RASGEF1C: variants seen among roughly 807,000 people sequenced by gnomAD.
The protein encoded by RASGEF1C is ras-GEF domain-containing family member 1C.
Under a neutral mutation model 58.1 loss-of-function variants are expected in RASGEF1C, and 27 were observed. That is an observed-to-expected ratio of 0.46 (90% confidence interval 0.34 to 0.64). The LOEUF (loss-of-function observed/expected upper bound fraction) is 0.64. Ranked by LOEUF, RASGEF1C falls within the 30% of genes least tolerant of loss-of-function variation. The pLI, the probability that RASGEF1C is intolerant of heterozygous loss-of-function variation, is 0.01. For synonymous variants in RASGEF1C, 243 were observed against 246.3 expected (o/e 0.99, Z 0.13); for missense variants, 502 against 605.1 (o/e 0.83, Z 1.79).
intron 1 of RASGEF1C, among the ~76,000 whole-genome samples, chr5:180,207,108 G>C (rs1478127363): frequency 6.6e-6 from 1 of 152,246 alleles, no homozygotes; most frequent in African/African-American, 2.4e-5. Flanking sequence ...GAAGCTAACA[G>C]TGTGTCCGAC....
chr5:180,204,415 A>G (rs1218438366), intron 1 of RASGEF1C, among the ~76,000 whole-genome samples: 1 of 152,210 alleles, frequency 6.6e-6, no homozygotes, highest in Non-Finnish European at 1.5e-5. Context: ...AAGATGGCCT[A>G]GTGTTAATAT....
At chr5:180,202,833 G>A (rs1053157856) in intron 1 of RASGEF1C, among the ~76,000 whole-genome samples, 1 of 151,954 alleles carries the variant, frequency 6.6e-6, no homozygotes, top group African/African-American at 2.4e-5. Context: ...CTCCCGACTA[G>A]CTGGGATTAC....
At position 180,158,813 on chromosome 5, in the gene RASGEF1C, C is replaced by T. The variant is rs1201749487; in HGVS notation, c.-6-20755G>A. Among the ~76,000 whole-genome samples the T allele has an allele frequency of 1.3e-5, 2 of 152,112 alleles. No individual in the cohort carries two copies. Among genetic ancestry groups the T allele is most frequent in the African/African-American group, 4.8e-5 (2 of 41,410 alleles). On this transcript the variant is annotated intron_variant, in intron 1 of 13. Coordinates refer to ENST00000361132, the MANE Select transcript of RASGEF1C (RefSeq NM_175062.4). This position sits in a 1 kb window ranked among gnomAD's most constrained non-coding sequence, Gnocchi z 4.0. ...TCTCGTGCCCTTCAGTGCTGGAAAA[C>T]TTTCTTAAATCATTTCACAGATGGT...
At chr5:180,170,504 T>A (rs1767092289) in intron 1 of RASGEF1C, among the ~76,000 whole-genome samples, 1 of 152,200 alleles carries the variant, frequency 6.6e-6, no homozygotes. Context: ...CGAGGGGTAC[T>A]GTCCTTCCAG....
chr5:180,132,309 G>C (rs1275646829), intron 4 of RASGEF1C, among the ~76,000 whole-genome samples: 1 of 152,244 alleles, frequency 6.6e-6, no homozygotes, highest in Non-Finnish European at 1.5e-5. Flanking sequence ...AGCCGGGTGT[G>C]AATGCGGAGT....
chr5:180,130,614 T>G (rs554116763), intron 4 of RASGEF1C, among the ~76,000 whole-genome samples: 1 of 152,338 alleles, frequency 6.6e-6, no homozygotes, highest in Non-Finnish European at 1.5e-5. Context: ...CCAAAGCCAG[T>G]GGCCGTTTCT....
intron 6 of RASGEF1C, among the ~76,000 whole-genome samples, chr5:180,121,730 A>C (rs1766180540): frequency 6.6e-6 from 1 of 151,180 alleles, no homozygotes; most frequent in African/African-American, 2.4e-5. Context: ...TGCTCTCTAA[A>C]ATGTATTCGT....
intron 1 of RASGEF1C, among the ~76,000 whole-genome samples, chr5:180,171,994 G>A (rs1581118752): frequency 6.6e-6 from 1 of 152,304 alleles, no homozygotes; most frequent in East Asian, 1.9e-4. Context: ...TTAGGGGTGG[G>A]GTCAGTGGGT....
rs1185678044 is a variant in RASGEF1C, at chr5:180,197,086, G to A, written c.-7+11942C>T. ...GGCAGGGCTGCTCTCACTGACAGGC[G>A]CCTGTGGCCAGCCTGCCTCTGATGA... On this transcript the variant is annotated intron_variant, in intron 1 of 13. Coordinates refer to ENST00000361132, the MANE Select transcript of RASGEF1C (RefSeq NM_175062.4). This position sits in a 1 kb window ranked among gnomAD's most constrained non-coding sequence, Gnocchi z 4.7. Among the ~76,000 whole-genome samples the A allele has an allele frequency of 1.3e-5, 2 of 152,206 alleles. No individual in the cohort carries two copies. The highest frequency in any genetic ancestry group is 2.4e-5 in the African/African-American group (1 of 41,460).
chr5:180,196,965 C>T (rs957389597), intron 1 of RASGEF1C, among the ~76,000 whole-genome samples: 2 of 152,170 alleles, frequency 1.3e-5, no homozygotes, highest in South Asian at 4.1e-4. Flanking sequence ...CCAAAGAGCC[C>T]GAGGGTTCCC....
At chr5:180,154,114 A>G (rs567732393) in intron 1 of RASGEF1C, among the ~76,000 whole-genome samples, 4 of 152,314 alleles carry the variant, frequency 2.6e-5, no homozygotes, top group Admixed American at 1.3e-4. Flanking sequence ...GGGCGCCCAG[A>G]AGCTCCGAGA....
chr5:180,187,644 T>C (rs760028799), intron 1 of RASGEF1C, among the ~76,000 whole-genome samples: 55 of 152,118 alleles, frequency 3.6e-4, no homozygotes, highest in Non-Finnish European at 5.9e-4. Flanking sequence ...TCCTATAACT[T>C]AAAGAAAATA....
At chr5:180,186,262 G>T (rs13168609) in intron 1 of RASGEF1C, among the ~76,000 whole-genome samples, 53,320 of 151,954 alleles carry the variant, frequency 0.35, 10,738 homozygotes, top group Middle Eastern at 0.47. Context: ...CAGGTGGCAT[G>T]ATCCCATATA....
chr5:180,137,534 C>G lies in RASGEF1C; in HGVS notation c.300+56G>C, dbSNP rs917538367. 15 of 1,580,436 alleles carry G rather than the reference C, an allele frequency of 9.5e-6. No homozygotes were observed. The highest frequency in any genetic ancestry group is 2.2e-4 in the Middle Eastern group (1 of 4,622). On this transcript the variant is annotated intron_variant, in intron 3 of 13. Coordinates refer to ENST00000361132, the MANE Select transcript of RASGEF1C (RefSeq NM_175062.4). The surrounding 1 kb of genome is among the most constrained non-coding windows in gnomAD (Gnocchi z 4.1). Reference sequence around the variant, plus strand: ...CCCCGAGAGGCTGATGCGTTGAGGGCATGGCAGGGCAGTGCTGGTACACTC... The same window carrying G: ...CCCCGAGAGGCTGATGCGTTGAGGGGATGGCAGGGCAGTGCTGGTACACTC...
chr5:180,205,227 C>T lies in RASGEF1C; in HGVS notation c.-7+3801G>A, dbSNP rs576179863. Among the ~76,000 whole-genome samples, 5 of 151,874 alleles carry T rather than the reference C, an allele frequency of 3.3e-5. No homozygotes were observed. The South Asian group carries it at 1.0e-3, about 32-fold the overall frequency. The stretch of plus-strand genomic sequence containing the variant: ...AAATAAATAAAAACAAAAAAAAAGA[C>T]TAACAATAAAACTAACAATAAAAAT... On this transcript the variant is annotated intron_variant, in intron 1 of 13. Transcript: ENST00000361132.
rs1224015828 is a variant in RASGEF1C at position 180,149,078 on chromosome 5, CTTTTTTTTTCTT to C, written c.-6-11032_-6-11021del. Among the ~76,000 whole-genome samples, 77 of 97,174 alleles carry C rather than the reference CTTTTTTTTTCTT, an allele frequency of 7.9e-4. 1 individual carries two copies. The highest frequency in any genetic ancestry group is 1.2e-3 in the Admixed American group (8 of 6,944). 63.7% of individuals were successfully genotyped at this position (97,174 alleles called of 152,430 possible). On this transcript the variant is annotated intron_variant, in intron 1 of 13. Coordinates refer to ENST00000361132, the MANE Select transcript of RASGEF1C (RefSeq NM_175062.4). ...AGGTTTCTTTTCTACTTTTTCTTTT[CTTTTTTTTTCTT>C]TTTTTTTTTTTTTTTTGAGACAGAG...
intron 1 of RASGEF1C, among the ~76,000 whole-genome samples, chr5:180,169,571 G>A (rs1767070631): frequency 6.7e-6 from 1 of 149,484 alleles, no homozygotes; most frequent in Non-Finnish European, 1.5e-5. Context: ...GGTCAGCTGG[G>A]AGAGGGGGCT....
intron 1 of RASGEF1C, among the ~76,000 whole-genome samples, chr5:180,161,216 C>T (rs540455267): frequency 8.9e-4 from 135 of 152,314 alleles, no homozygotes; most frequent in Middle Eastern, 3.4e-3. Flanking sequence ...AAAACATTTC[C>T]CAGATTTGGG....
intron 10 of RASGEF1C, chr5:180,115,290 TAAAAAAAAA>T (rs35607645): frequency 7.5e-6 from 3 of 397,568 alleles, no homozygotes; most frequent in Admixed American, 6.1e-5. Flanking sequence ...GCCTCCTTTT[TAAAAAAAAA>T]AAAAAAAATT....
Sources: allele counts gnomAD v4.1 joint callset (sites outside exome capture counted in the v4.1 genomes callset), GRCh38; gene constraint gnomAD v4.1.1; non-coding constraint Gnocchi (gnomAD v3.1); transcripts MANE v1.5; gene names NCBI Gene and HGNC (gene_info 2026-07-23, HGNC 2026-07-21).